Variants in MPP7 observed in about 807,000 individuals in gnomAD.
MPP7 encodes the protein MAGUK p55 subfamily member 7.
A neutral mutation model predicts 76.5 loss-of-function variants in MPP7; 60 were observed. The observed-to-expected ratio is 0.78, with a 90% CI of 0.64 to 0.97. The LOEUF (loss-of-function observed/expected upper bound fraction) is 0.97, where lower values mean the gene tolerates loss of function less well. MPP7 is among the 50% of genes least tolerant of loss of function. The pLI is 0.00. For missense variants in MPP7, 641 were observed against 694.0 expected (o/e 0.92, Z 0.86); for synonymous variants, 237 against 244.5 (o/e 0.97, Z 0.29).
At chr10:28,153,129 C>T (rs573261107) in intron 3 of MPP7, among the ~76,000 whole-genome samples, 1 of 152,060 alleles carries the variant, frequency 6.6e-6, no homozygotes, top group South Asian at 2.1e-4. Flanking sequence ...TGGCGCATAC[C>T]TATAGTCCTA....
intron 13 of MPP7, among the ~76,000 whole-genome samples, chr10:28,061,841 GATTT>G (rs1415724079): frequency 1.3e-4 from 2 of 15,694 alleles, no homozygotes; most frequent in Non-Finnish European, 2.4e-4. Flanking sequence ...AACTGTCACA[GATTT>G]ATTATAAATC....
rs142144284 is a variant in MPP7, at chr10:28,202,246, C to G, written c.63G>C (p.Leu21=). 174 of 1,612,758 alleles carry G rather than the reference C, an allele frequency of 1.1e-4. 1 individual carries two copies. The East Asian group carries it at 3.8e-3, about 36-fold the overall frequency. Residue 21 remains leucine, a synonymous_variant, in exon 3 of 17, where the codon CTG becomes CTC. Coordinates refer to ENST00000683449, the MANE Select transcript of MPP7 (RefSeq NM_001318170.2). ...CCACATGTGGCTGCAGCTGGGCTGG[C>G]AGAGCAGCCAACAGCTCATACAGAC... ...DTGLYELLAA[L]PAQLQPHVDS...
chr10:28,054,151 T>A lies in MPP7; in HGVS notation c.1645A>T (p.Thr549Ser). ...GTTTTGAGCTCATTGAATGCCACAG[T>A]GAGGTCATCATTTATTATAATTTTG... ...FDKIIINDDL[T>S]VAFNELKTTF... The change falls in exon 17 of 17, where the codon ACT becomes TCT. Residue 549 changes from threonine (T) to serine (S), a missense_variant. By Grantham distance (58) the Thr-to-Ser change is moderately conservative (BLOSUM62 1). Transcript: ENST00000683449. 1 of 1,611,022 alleles carries A rather than the reference T, an allele frequency of 6.2e-7. No individual in the cohort carries two copies. The highest frequency in any genetic ancestry group is 2.2e-5 in the East Asian group (1 of 44,850).
chr10:28,119,852 A>G (rs993003188), intron 10 of MPP7, 137 bp from the exon 11 acceptor site: 24 of 654,988 alleles, frequency 3.7e-5, no homozygotes, highest in Middle Eastern at 5.9e-4. Context: ...ATTCAAATTA[A>G]GAAACAAATC....
intron 6 of MPP7, among the ~76,000 whole-genome samples, chr10:28,130,452 G>A (rs1364714075): frequency 6.6e-6 from 1 of 152,164 alleles, no homozygotes; most frequent in East Asian, 1.9e-4. Context: ...TGCATTTTTA[G>A]ATAACACTGG....
chr10:28,120,785 G>A (rs1168505710), intron 8 of MPP7, 117 bp from the exon 9 acceptor site: 1 of 696,408 alleles, frequency 1.4e-6, no homozygotes, highest in African/African-American at 1.8e-5. Context: ...TCTACTCTTA[G>A]ATAGACTAAA....
intron 1 of MPP7, among the ~76,000 whole-genome samples, chr10:28,273,461 C>T (rs1466562423): frequency 6.6e-6 from 1 of 152,122 alleles, no homozygotes; most frequent in Non-Finnish European, 1.5e-5. Flanking sequence ...TTATTGGTGC[C>T]GTTACAAGGT....
Position 28,058,439 on chromosome 10 carries a change from A to G in MPP7, c.1407+56T>C, listed in dbSNP as rs571966153. On this transcript the variant is annotated intron_variant, in intron 15 of 16. Transcript: ENST00000683449. ...TATTTCATACTGAAATGCTCACATG[A>G]GGTGCTGTAGATGACATGGGTCAGA... 1.7e-5 allele frequency: 15 copies of G among 864,272 alleles called. No homozygotes were observed. In the Admixed American group the frequency reaches 3.8e-4, roughly 22 times the overall value. The allele number at this position is 864,272 out of a possible 1,614,324, so 53.5% of individuals were successfully genotyped here. A position where few individuals can be genotyped will look rare whatever the true frequency, so the allele number is the denominator to read the frequency against.
At chr10:28,083,532 C>CTTTTT (rs5784040) in intron 12 of MPP7, among the ~76,000 whole-genome samples, 20 of 81,732 alleles carry the variant, frequency 2.4e-4, no homozygotes, top group African/African-American at 7.4e-4. Flanking sequence ...TTTTCTTCCT[C>CTTTTT]TTTTTTTTTT....
chr10:28,118,013 A>C, intron 11 of MPP7: 1 of 829,580 alleles, frequency 1.2e-6, no homozygotes, highest in Non-Finnish European at 1.4e-6. Flanking sequence ...CAAAAACAAA[A>C]ACAAAAAAAA....
intron 3 of MPP7, among the ~76,000 whole-genome samples, chr10:28,168,352 G>A (rs919567322): frequency 6.6e-6 from 1 of 152,092 alleles, no homozygotes; most frequent in Non-Finnish European, 1.5e-5. Context: ...TTTTCAGGAA[G>A]CTAAACCTTT....
intron 1 of MPP7, among the ~76,000 whole-genome samples, chr10:28,333,477 T>G (rs965380000): frequency 6.6e-6 from 1 of 152,340 alleles, no homozygotes; most frequent in East Asian, 1.9e-4. Context: ...GCAATTATAC[T>G]ATCCTGTTTA....
intron 2 of MPP7, among the ~76,000 whole-genome samples, chr10:28,317,559 G>A (rs1489091202): frequency 3.3e-5 from 5 of 152,046 alleles, no homozygotes; most frequent in South Asian, 2.1e-4. Flanking sequence ...AATTGTTTTC[G>A]GTAAAGATTG....
chr10:28,147,252 A>G (rs1242260338), intron 5 of MPP7, among the ~76,000 whole-genome samples: 1 of 152,218 alleles, frequency 6.6e-6, no homozygotes, highest in Non-Finnish European at 1.5e-5. Context: ...TTGAAGCTAC[A>G]TTTGACAGAA....
At chr10:28,092,740 A>ATTTTTTTTTTT (rs536385197) in intron 11 of MPP7, among the ~76,000 whole-genome samples, 3 of 105,520 alleles carry the variant, frequency 2.8e-5, no homozygotes, top group African/African-American at 7.8e-5. Flanking sequence ...ACCTGGCTCA[A>ATTTTTTTTTTT]TTTTTTTTTT....
chr10:28,109,165 G>T (rs936471643), intron 11 of MPP7, among the ~76,000 whole-genome samples: 2 of 152,122 alleles, frequency 1.3e-5, no homozygotes, highest in African/African-American at 2.4e-5. Flanking sequence ...GTGGGTGCCT[G>T]TAATCCCAGC....
chr10:28,168,526 T>A (rs891640447), intron 3 of MPP7, among the ~76,000 whole-genome samples: 5 of 152,142 alleles, frequency 3.3e-5, no homozygotes, highest in African/African-American at 1.2e-4. Flanking sequence ...CACCTTCTTT[T>A]TTTTTGTTTT....
At chr10:28,244,930 C>T (rs893306661) in intron 1 of MPP7, among the ~76,000 whole-genome samples, 12 of 152,276 alleles carry the variant, frequency 7.9e-5, no homozygotes, top group Admixed American at 2.0e-4. Context: ...AAACCATCTA[C>T]AACAATGAGT....
chr10:28,146,925 T>A lies in MPP7; in HGVS notation c.315+558A>T, dbSNP rs965211690. On this transcript the variant is annotated intron_variant, in intron 5 of 16. Transcript: ENST00000683449. ...AAACTGATCACATTTGGAGGAAAAATAAGTGATAAACTTAGGAGGCAATGG... is the reference window on the plus strand; with the variant it reads ...AAACTGATCACATTTGGAGGAAAAAAAAGTGATAAACTTAGGAGGCAATGG... Among the ~76,000 whole-genome samples the A allele has an allele frequency of 2.0e-5, 3 of 152,118 alleles. No individual in the cohort carries two copies. The South Asian group carries it at 6.2e-4, about 32-fold the overall frequency.
Sources: gnomAD v4.1 joint callset for allele counts (sites outside exome capture counted in the v4.1 genomes callset) on GRCh38, gnomAD v4.1.1 for gene constraint, MANE v1.5 for transcripts, NCBI Gene and HGNC (gene_info 2026-07-23, HGNC 2026-07-21) for gene names.